Variants in ENTREP2 observed in about 807,000 individuals in gnomAD.
ENTREP2 encodes endosomal transmembrane epsin interactor 2.
chr15:29,371,029 T>C, the ENTREP2 span, among the ~76,000 whole-genome samples: 1 of 124,298 alleles, frequency 8.0e-6, no homozygotes, highest in Non-Finnish European at 1.7e-5. Flanking sequence ...ACTGTCGTTG[T>C]CATCATCATC....
the ENTREP2 span, among the ~76,000 whole-genome samples, chr15:29,294,533 C>G: frequency 7.9e-5 from 12 of 152,154 alleles, no homozygotes; most frequent in Non-Finnish European, 1.8e-4. Flanking sequence ...GTCCACTGTC[C>G]TAGAAAGGTT....
At chr15:29,221,993 G>A in the ENTREP2 span, among the ~76,000 whole-genome samples, 2 of 152,200 alleles carry the variant, frequency 1.3e-5, no homozygotes, top group Admixed American at 6.5e-5. Flanking sequence ...ACATTTCAGT[G>A]TGTGTTGTTG....
chr15:29,123,115 G>T, the ENTREP2 span: 1 of 520,800 alleles, frequency 1.9e-6, no homozygotes. Context: ...CGAATTACTG[G>T]GCTAGGCAGG....
chr15:29,570,645 C>T, the ENTREP2 span: 13 of 1,362,158 alleles, frequency 9.5e-6, no homozygotes, highest in Non-Finnish European at 1.1e-5. Flanking sequence ...CGGGAGCGGC[C>T]CGGGCACTCG....
At chr15:29,321,289 A>G in the ENTREP2 span, among the ~76,000 whole-genome samples, 1 of 152,212 alleles carries the variant, frequency 6.6e-6, no homozygotes, top group African/African-American at 2.4e-5. Flanking sequence ...AGCGTGGAGT[A>G]TTTAAAGTGA....
chr15:29,138,952 G>A, the ENTREP2 span, among the ~76,000 whole-genome samples: 2 of 152,162 alleles, frequency 1.3e-5, no homozygotes, highest in East Asian at 3.9e-4. Context: ...TTTAAGAAAA[G>A]CAAATAGATA....
At chr15:29,422,707 G>A in the ENTREP2 span, among the ~76,000 whole-genome samples, 6 of 152,184 alleles carry the variant, frequency 3.9e-5, no homozygotes, top group African/African-American at 1.4e-4. Context: ...AGATACCTTT[G>A]TAAGAGTAGA....
At chr15:29,603,074 G>A in the ENTREP2 span, among the ~76,000 whole-genome samples, 1 of 152,334 alleles carries the variant, frequency 6.6e-6, no homozygotes, top group African/African-American at 2.4e-5. Flanking sequence ...GGAGTGCCAT[G>A]AGCCCCTGTT....
At chr15:29,298,784 C>A in the ENTREP2 span, among the ~76,000 whole-genome samples, 1 of 152,052 alleles carries the variant, frequency 6.6e-6, no homozygotes, top group Non-Finnish European at 1.5e-5. Context: ...TTCTAATGAC[C>A]ATTTAAGGAA....
the ENTREP2 span, among the ~76,000 whole-genome samples, chr15:29,350,870 A>T: frequency 6.6e-6 from 1 of 152,194 alleles, no homozygotes; most frequent in Non-Finnish European, 1.5e-5. Context: ...TTGACCCAGG[A>T]GGCAGAGGCT....
chr15:29,268,891 T>C, the ENTREP2 span: 2 of 1,614,042 alleles, frequency 1.2e-6, no homozygotes, highest in South Asian at 2.2e-5. Flanking sequence ...GGGGTCTTGA[T>C]TATGGACCTT....
the ENTREP2 span, among the ~76,000 whole-genome samples, chr15:29,490,666 A>AGATTAGCTAGACACAGAGCACT: frequency 6.6e-6 from 1 of 152,150 alleles, no homozygotes; most frequent in African/African-American, 2.4e-5. Flanking sequence ...AGTCCCCACT[A>AGATTAGCTAGACACAGAGCACT]GATTAGCTAG....
the ENTREP2 span, among the ~76,000 whole-genome samples, chr15:29,462,162 T>C: frequency 2.0e-4 from 31 of 152,342 alleles, no homozygotes; most frequent in East Asian, 2.7e-3. Flanking sequence ...CAATGGACGC[T>C]TGGGTTGCTT....
chr15:29,232,578 G>A, the ENTREP2 span, among the ~76,000 whole-genome samples: 144 of 152,056 alleles, frequency 9.5e-4, no homozygotes, highest in African/African-American at 3.3e-3. Context: ...CTGGAGCCTT[G>A]AACTCCTGGG....
At chr15:29,290,933 C>G in the ENTREP2 span, among the ~76,000 whole-genome samples, 2 of 152,176 alleles carry the variant, frequency 1.3e-5, no homozygotes, top group African/African-American at 2.4e-5. Flanking sequence ...TGACTTAATC[C>G]CAGTGTTCAC....
the ENTREP2 span, among the ~76,000 whole-genome samples, chr15:29,541,616 A>G: frequency 6.6e-6 from 1 of 152,208 alleles, no homozygotes; most frequent in Non-Finnish European, 1.5e-5. Flanking sequence ...GCTTAAGGGC[A>G]GAATCTCACA....
chr15:29,473,741 G>A, the ENTREP2 span, among the ~76,000 whole-genome samples: 49 of 152,276 alleles, frequency 3.2e-4, no homozygotes, highest in East Asian at 8.3e-3. Flanking sequence ...ATTGGACACC[G>A]GCTGTCCTCA....
chr15:29,384,503 C>A, the ENTREP2 span, among the ~76,000 whole-genome samples: 1 of 152,162 alleles, frequency 6.6e-6, no homozygotes, highest in Non-Finnish European at 1.5e-5. Flanking sequence ...ACCAAACAAA[C>A]CGCATCACCC....
chr15:29,627,820 C>T, the ENTREP2 span, among the ~76,000 whole-genome samples: 2,108 of 152,200 alleles, frequency 0.014, 43 homozygotes, highest in African/African-American at 0.048. Context: ...GTCAAAATTT[C>T]CTTCTTTTTT....
Sources: allele counts gnomAD v4.1 joint callset (sites outside exome capture counted in the v4.1 genomes callset), GRCh38; gene constraint gnomAD v4.1.1; transcripts MANE v1.5; gene names NCBI Gene and HGNC (gene_info 2026-07-23, HGNC 2026-07-21).